The following ACTR6 variants were observed in gnomAD, a reference collection of about 807,000 sequenced individuals.
ACTR6 encodes the protein actin-related protein 6.
Under a neutral mutation model 52.5 loss-of-function variants are expected in ACTR6, and 50 were observed. That is an observed-to-expected ratio of 0.95 (90% CI 0.76 to 1.20). ACTR6 has a LOEUF of 1.20. Ranked by LOEUF, ACTR6 falls within the 50% of genes most tolerant of loss-of-function variation. ACTR6 has a pLI of 0.00. For synonymous variants in ACTR6, 135 were observed against 147.2 expected, an observed-to-expected ratio of 0.92 and a Z score of 0.60; for missense variants, 344 against 472.4, an observed-to-expected ratio of 0.73 and a Z score of 2.52.
At chr12:100,215,480 G>T (rs2096123257) in intron 8 of ACTR6, among the ~76,000 whole-genome samples, 1 of 152,138 alleles carries the variant, frequency 6.6e-6, no homozygotes, top group Non-Finnish European at 1.5e-5. Context: ...GCCATATAAG[G>T]TTTTTTATTG....
Position 100,218,942 on chromosome 12 carries a change from T to G in ACTR6, c.922+356T>G, listed in dbSNP as rs2096125919. ...TAACAATTTAATGGTTTTCAGCTAT[T>G]GGTAGACTGACTTATTCTTTCTGCT... On this transcript the variant is annotated intron_variant, in intron 9 of 10. Transcript: ENST00000188312. The surrounding 1 kb of genome is among the most constrained non-coding windows in gnomAD (Gnocchi z 4.2). Among the ~76,000 whole-genome samples, 1 of 152,052 alleles carries G rather than the reference T, an allele frequency of 6.6e-6. No homozygotes were observed. The highest frequency in any genetic ancestry group is 1.5e-5 in the Non-Finnish European group (1 of 67,986).
intron 1 of ACTR6, chr12:100,201,159 A>C (rs1205084093): frequency 1.2e-5 from 13 of 1,104,184 alleles, no homozygotes; most frequent in Non-Finnish European, 1.6e-5. Context: ...CGTAACAGGA[A>C]ATAGCCAAAG....
Position 100,218,038 on chromosome 12 carries a change from G to A in ACTR6, c.751-377G>A, listed in dbSNP as rs905128627. Among the ~76,000 whole-genome samples the A allele has an allele frequency of 3.3e-5, 5 of 151,892 alleles. No individual in the cohort carries two copies. The highest frequency in any genetic ancestry group is 2.0e-4 in the Admixed American group (3 of 15,214). ...TTGTTTTTTAAGAGACGGGGGTCTC[G>A]CTATGTTTCCCAGGCTGTCTTGAAC... On this transcript the variant is annotated intron_variant, in intron 8 of 10. Coordinates refer to ENST00000188312, the MANE Select transcript of ACTR6 (RefSeq NM_022496.5). The surrounding 1 kb of genome is among the most constrained non-coding windows in gnomAD (Gnocchi z 4.2).
In ACTR6 at chr12:100,220,056, C is replaced by G. The variant is rs1470555661; in HGVS notation, c.971C>G (p.Ser324Cys). ...FKNIVLTGGN[S>C]LFPGFRDRVY... is the part of the protein sequence containing the mutation. Reference sequence around the variant, plus strand: ...AACATTGTCTTGACAGGAGGAAATTCCCTTTTCCCAGGATTTAGGGATCGG... The same window carrying G: ...AACATTGTCTTGACAGGAGGAAATTGCCTTTTCCCAGGATTTAGGGATCGG... Residue 324 changes from serine (S) to cysteine (C), a missense_variant, in exon 10 of 11, where the codon TCC becomes TGC. Coordinates refer to ENST00000188312, the MANE Select transcript of ACTR6 (RefSeq NM_022496.5). 2 of 1,613,750 alleles carry G rather than the reference C, an allele frequency of 1.2e-6. No individual in the cohort carries two copies. The highest frequency in any genetic ancestry group is 3.3e-5 in the Admixed American group (2 of 59,974).
chr12:100,201,004 T>G, intron 1 of ACTR6, 85 bp downstream of exon 1: 1 of 1,606,248 alleles, frequency 6.2e-7, no homozygotes, highest in Non-Finnish European at 8.5e-7. Flanking sequence ...ATCAATGAAC[T>G]GCAGACACCC....
At chr12:100,221,007 C>T (rs1301507511) in intron 10 of ACTR6, among the ~76,000 whole-genome samples, 1 of 146,872 alleles carries the variant, frequency 6.8e-6, no homozygotes, top group African/African-American at 2.6e-5. Context: ...AAACAAACCC[C>T]CCTGGCAAAA....
At chr12:100,215,953 T>C (rs1051160293) in intron 8 of ACTR6, among the ~76,000 whole-genome samples, 5 of 152,122 alleles carry the variant, frequency 3.3e-5, no homozygotes, top group Non-Finnish European at 7.4e-5. Flanking sequence ...GTAGTAACAA[T>C]AGCAATAAAA....
chr12:100,220,848 G>A (rs1317095220), intron 10 of ACTR6, among the ~76,000 whole-genome samples: 1 of 151,994 alleles, frequency 6.6e-6, no homozygotes, highest in Non-Finnish European at 1.5e-5. Context: ...TTAGCCGGAT[G>A]TGCTGGTGTG....
Position 100,218,758 on chromosome 12 carries a change from A to G in ACTR6, c.922+172A>G, listed in dbSNP as rs946494715. Among the ~76,000 whole-genome samples, 1 of 151,554 alleles carries G rather than the reference A, an allele frequency of 6.6e-6. No homozygotes were observed. The highest frequency in any genetic ancestry group is 2.1e-4 in the South Asian group (1 of 4,830). ...TATAATTCTTGATTCATCTTTGATT[A>G]TAAGTTTTTTTTTGTGATTATAAAT... On this transcript the variant is annotated intron_variant, in intron 9 of 10. Coordinates refer to ENST00000188312, the MANE Select transcript of ACTR6 (RefSeq NM_022496.5). The surrounding 1 kb of genome is among the most constrained non-coding windows in gnomAD (Gnocchi z 4.2).
chr12:100,215,872 A>G (rs1205910440), intron 8 of ACTR6, among the ~76,000 whole-genome samples: 7 of 152,148 alleles, frequency 4.6e-5, no homozygotes, highest in Admixed American at 4.6e-4. Context: ...TTAACACTTG[A>G]ATTTTGATAG....
intron 1 of ACTR6, among the ~76,000 whole-genome samples, chr12:100,202,753 A>G (rs1465608065): frequency 2.0e-5 from 3 of 151,520 alleles, no homozygotes; most frequent in Non-Finnish European, 2.9e-5. Context: ...GCTACCTGGG[A>G]GGCTGAGGCG....
At chr12:100,201,423 T>C (rs1256750469) in intron 1 of ACTR6, among the ~76,000 whole-genome samples, 4 of 152,224 alleles carry the variant, frequency 2.6e-5, no homozygotes, top group South Asian at 2.1e-4. Flanking sequence ...GTACTGTTAA[T>C]ACAATGGCAT....
At chr12:100,214,806 G>A (rs2096122719) in intron 8 of ACTR6, among the ~76,000 whole-genome samples, 1 of 152,118 alleles carries the variant, frequency 6.6e-6, no homozygotes, top group Non-Finnish European at 1.5e-5. Context: ...CTGGCTTTCA[G>A]AAATGGGAAT....
chr12:100,212,572 T>C, intron 8 of ACTR6, 44 bp downstream of exon 8: 1 of 1,463,924 alleles, frequency 6.8e-7, no homozygotes, highest in Non-Finnish European at 9.6e-7. Context: ...GCGGCTCCTG[T>C]CTATAATCCC....
At position 100,213,260 on chromosome 12, in the gene ACTR6, T is replaced by C. The variant is rs574091132; in HGVS notation, c.750+732T>C. ...GGCATGTGCCACCACGCCTGGTTCA[T>C]ATTTGTATTTTTTGTAGAGGTGGGG... On this transcript the variant is annotated intron_variant, in intron 8 of 10. Coordinates refer to ENST00000188312, the MANE Select transcript of ACTR6 (RefSeq NM_022496.5). Among the ~76,000 whole-genome samples the C allele has an allele frequency of 7.2e-5, 11 of 152,160 alleles. No homozygotes were observed. The South Asian group carries it at 2.3e-3, about 32-fold the overall frequency.
In ACTR6 at chr12:100,200,909, G is replaced by A. The variant is rs2096109092; in HGVS notation, c.58G>A (p.Glu20Lys). Residue 20 changes from glutamate (E) to lysine (K), a missense_variant, in exon 1 of 11, where the codon GAA becomes AAA. Physicochemically the swap from Glu to Lys is moderately conservative, Grantham distance 56 (BLOSUM62 1). Coordinates refer to ENST00000188312, the MANE Select transcript of ACTR6 (RefSeq NM_022496.5). Reference protein sequence around the residue: ...AYNAKIGYSHENVSVIPNCQF... With the variant: ...AYNAKIGYSHKNVSVIPNCQF... ...CAACGCCAAAATCGGTTACAGCCAT[G>A]AAAATGTGTCGTAAGTACTTTCTTT... The A allele has an allele frequency of 1.2e-6, 2 of 1,614,166 alleles. No individual in the cohort carries two copies. The highest frequency in any genetic ancestry group is 1.7e-5 in the Admixed American group (1 of 60,028).
chr12:100,219,599 C>T (rs186108428), intron 9 of ACTR6, among the ~76,000 whole-genome samples: 2 of 152,270 alleles, frequency 1.3e-5, no homozygotes, highest in East Asian at 1.9e-4. Context: ...TGAAAGACCT[C>T]GTTTTCATCC....
intron 3 of ACTR6, among the ~76,000 whole-genome samples, chr12:100,206,870 G>C (rs1294353014): frequency 6.7e-6 from 1 of 149,022 alleles, no homozygotes; most frequent in East Asian, 2.0e-4. Context: ...AGTAGAGATG[G>C]GGTTTCACCG....
intron 8 of ACTR6, among the ~76,000 whole-genome samples, chr12:100,214,455 G>GTACACACCACAAA (rs2096122387): frequency 6.6e-6 from 1 of 151,530 alleles, no homozygotes; most frequent in Admixed American, 6.6e-5. Context: ...GATCCTTATG[G>GTACACACCACAAA]CTGTGTGTGG....
Sources: allele counts gnomAD v4.1 joint callset (sites outside exome capture counted in the v4.1 genomes callset), GRCh38; gene constraint gnomAD v4.1.1; non-coding constraint Gnocchi (gnomAD v3.1); transcripts MANE v1.5; gene names NCBI Gene and HGNC (gene_info 2026-07-23, HGNC 2026-07-21).